Variants in SPTLC2 observed in about 807,000 individuals in gnomAD.
SPTLC2 encodes the protein serine palmitoyltransferase 2.
Under a neutral mutation model 62.0 loss-of-function variants are expected in SPTLC2, and 21 were observed. The ratio of observed to expected loss-of-function variants is 0.34; its 90% CI spans 0.24 to 0.49. The LOEUF is 0.49. SPTLC2 is among the 20% of genes least tolerant of loss of function. SPTLC2 has a pLI of 0.99. For missense variants in SPTLC2, 511 were observed against 713.0 expected (o/e 0.72, Z 3.23); for synonymous variants, 261 against 261.8 (o/e 1.00, Z 0.03).
At chr14:77,581,708 A>G (rs1405255620) in intron 2 of SPTLC2, among the ~76,000 whole-genome samples, 1 of 152,064 alleles carries the variant, frequency 6.6e-6, no homozygotes, top group African/African-American at 2.4e-5. Context: ...CACCATGCCC[A>G]GCCACCATCT....
intron 11 of SPTLC2, among the ~76,000 whole-genome samples, chr14:77,516,558 T>C (rs566807034): frequency 6.6e-6 from 1 of 152,082 alleles, no homozygotes; most frequent in East Asian, 1.9e-4. Context: ...AAAAAAATCA[T>C]CACAGAAATT....
At chr14:77,565,137 G>C (rs2079637376) in intron 5 of SPTLC2, among the ~76,000 whole-genome samples, 1 of 150,200 alleles carries the variant, frequency 6.7e-6, no homozygotes, top group South Asian at 2.1e-4. Flanking sequence ...AGCTACTCAG[G>C]AGGCTGAGGC....
At chr14:77,605,019 A>G (rs963441021) in intron 1 of SPTLC2, among the ~76,000 whole-genome samples, 1 of 151,976 alleles carries the variant, frequency 6.6e-6, no homozygotes, top group Non-Finnish European at 1.5e-5. Context: ...CTATTTATTT[A>G]TTTTAAAGAG....
intron 9 of SPTLC2, among the ~76,000 whole-genome samples, chr14:77,527,192 G>A (rs987632744): frequency 6.6e-6 from 1 of 151,752 alleles, no homozygotes; most frequent in African/African-American, 2.4e-5. Context: ...TGCCTCTCAG[G>A]CTCAAGCGAT....
intron 1 of SPTLC2, among the ~76,000 whole-genome samples, chr14:77,616,188 A>C (rs1426772604): frequency 6.6e-6 from 1 of 152,160 alleles, no homozygotes; most frequent in African/African-American, 2.4e-5. Context: ...GGGGCAGAGA[A>C]AAGTACCCGG....
chr14:77,516,118 C>T (rs989543736), intron 11 of SPTLC2, among the ~76,000 whole-genome samples: 1 of 150,614 alleles, frequency 6.6e-6, no homozygotes, highest in African/African-American at 2.4e-5. Flanking sequence ...TGGTCTAGTA[C>T]ACGTTTAGTT....
intron 9 of SPTLC2, among the ~76,000 whole-genome samples, chr14:77,546,042 T>C (rs529509285): frequency 4.6e-5 from 7 of 152,334 alleles, no homozygotes; most frequent in African/African-American, 1.2e-4. Context: ...GTTGGGCTGA[T>C]TACTCACAAT....
chr14:77,577,484 G>A (rs1206991503), intron 3 of SPTLC2, among the ~76,000 whole-genome samples: 2 of 152,214 alleles, frequency 1.3e-5, no homozygotes, highest in Admixed American at 6.5e-5. Flanking sequence ...TATTAACACA[G>A]CCCAACATGT....
At chr14:77,597,678 G>A (rs1296623828) in intron 1 of SPTLC2, among the ~76,000 whole-genome samples, 1 of 151,558 alleles carries the variant, frequency 6.6e-6, no homozygotes, top group Non-Finnish European at 1.5e-5. Context: ...GGAGGCTGAG[G>A]GAGGAGAGTT....
intron 2 of SPTLC2, among the ~76,000 whole-genome samples, chr14:77,581,667 C>T (rs941559213): frequency 6.6e-6 from 1 of 152,150 alleles, no homozygotes; most frequent in Admixed American, 6.5e-5. Context: ...CCACCTCGGC[C>T]TCCCAAAGTG....
chr14:77,606,461 A>C (rs2079906108), intron 1 of SPTLC2, among the ~76,000 whole-genome samples: 1 of 151,592 alleles, frequency 6.6e-6, no homozygotes. Flanking sequence ...TGGCCTAGGG[A>C]ATCTCTCACA....
At chr14:77,569,607 C>T (rs1323317827) in intron 5 of SPTLC2, among the ~76,000 whole-genome samples, 4 of 151,368 alleles carry the variant, frequency 2.6e-5, no homozygotes, top group African/African-American at 7.3e-5. Context: ...TAATCCACCA[C>T]GTTTTCAATA....
intron 2 of SPTLC2, among the ~76,000 whole-genome samples, chr14:77,582,799 T>C (rs551976089): frequency 1.6e-4 from 24 of 152,224 alleles, no homozygotes; most frequent in African/African-American, 5.3e-4. Flanking sequence ...GCGGGTGGCA[T>C]AGAATGGTAG....
chr14:77,589,818 A>AG (rs1555377324), intron 2 of SPTLC2, among the ~76,000 whole-genome samples: 1 of 106,460 alleles, frequency 9.4e-6, no homozygotes, highest in African/African-American at 3.6e-5. Context: ...CACACACACA[A>AG]ATACAAAAAA....
chr14:77,571,547 C>T (rs2079683164), intron 4 of SPTLC2, among the ~76,000 whole-genome samples: 1 of 149,752 alleles, frequency 6.7e-6, no homozygotes, highest in South Asian at 2.1e-4. Context: ...TCACTGTGAA[C>T]TGACTGGTAA....
intron 9 of SPTLC2, among the ~76,000 whole-genome samples, chr14:77,535,179 G>A (rs566931190): frequency 1.5e-4 from 23 of 152,208 alleles, no homozygotes; most frequent in African/African-American, 1.9e-4. Flanking sequence ...TGCCCGCCTC[G>A]GCCTTCCAAA....
At chr14:77,525,770 C>T (rs1330821187) in intron 9 of SPTLC2, among the ~76,000 whole-genome samples, 3 of 152,072 alleles carry the variant, frequency 2.0e-5, no homozygotes, top group Middle Eastern at 3.4e-3. Context: ...CAAAATTAGC[C>T]GGGCGTGGTG....
At chr14:77,514,997 T>G (rs940250784) in intron 11 of SPTLC2, among the ~76,000 whole-genome samples, 1 of 152,258 alleles carries the variant, frequency 6.6e-6, no homozygotes, top group African/African-American at 2.4e-5. Context: ...CCAGCTGACC[T>G]AGTACTGTTT....
Position 77,576,918 on chromosome 14 carries a change from G to A in SPTLC2, c.483-3C>T. On this transcript the variant is annotated splice_region_variant and splice_polypyrimidine_tract_variant and intron_variant, in intron 3 of 11. Coordinates refer to ENST00000216484, the MANE Select transcript of SPTLC2 (RefSeq NM_004863.4). Reference sequence around the variant, plus strand: ...CCTTTATTATATTCCCTGTATACCTGTGCATCAATAGCATAAAACAATGAA... The same window carrying A: ...CCTTTATTATATTCCCTGTATACCTATGCATCAATAGCATAAAACAATGAA... The A allele has an allele frequency of 6.2e-7, 1 of 1,613,956 alleles. No homozygotes were observed.
Sources: allele counts gnomAD v4.1 joint callset (sites outside exome capture counted in the v4.1 genomes callset), GRCh38; gene constraint gnomAD v4.1.1; transcripts MANE v1.5; gene names NCBI Gene and HGNC (gene_info 2026-07-23, HGNC 2026-07-21).